Variants in KDM4C observed in about 807,000 individuals in gnomAD.
KDM4C encodes lysine-specific demethylase 4C.
A neutral mutation model predicts 129.3 loss-of-function variants in KDM4C; 81 were observed. That is an observed-to-expected ratio of 0.63 (90% confidence interval 0.52 to 0.75). KDM4C has a LOEUF of 0.75. KDM4C is among the 30% of genes least tolerant of loss of function. The pLI is 0.00. For synonymous variants in KDM4C, 573 were observed against 456.1 expected, an observed-to-expected ratio of 1.26 and a Z score of -3.26; for missense variants, 1,457 against 1,304.0, an observed-to-expected ratio of 1.12 and a Z score of -1.81.
At chr9:6,821,297 C>G (rs975595312) in intron 4 of KDM4C, among the ~76,000 whole-genome samples, 1 of 152,228 alleles carries the variant, frequency 6.6e-6, no homozygotes, top group Non-Finnish European at 1.5e-5. Flanking sequence ...AATCACCACA[C>G]TGTCTTCCAC....
Position 7,000,668 on chromosome 9 carries a change from T to C in KDM4C, c.1786+10144T>C, listed in dbSNP as rs114308178. Reference sequence around the variant, plus strand: ...TGAAATTGTCAATATTTGAAATTTTTTTTACTCTATGAAAACTGCAATTTC... The same window carrying C: ...TGAAATTGTCAATATTTGAAATTTTCTTTACTCTATGAAAACTGCAATTTC... On this transcript the variant is annotated intron_variant, in intron 12 of 21. Transcript: ENST00000381309. Among the ~76,000 whole-genome samples, 276 of 152,320 alleles carry C rather than the reference T, an allele frequency of 1.8e-3. 2 individuals carry two copies. The highest frequency in any genetic ancestry group is 6.2e-3 in the African/African-American group (258 of 41,574).
intron 15 of KDM4C, among the ~76,000 whole-genome samples, chr9:7,028,668 G>T (rs1316426162): frequency 6.6e-6 from 1 of 152,074 alleles, no homozygotes; most frequent in Non-Finnish European, 1.5e-5. Flanking sequence ...TGCAGTTCTT[G>T]TGGCCTAGAC....
At chr9:7,053,769 A>T (rs1247655336) in intron 17 of KDM4C, among the ~76,000 whole-genome samples, 2 of 152,200 alleles carry the variant, frequency 1.3e-5, no homozygotes, top group African/African-American at 4.8e-5. Context: ...TGTAATTATT[A>T]AAGTAATTGC....
chr9:7,041,543 A>AT (rs58264404), intron 15 of KDM4C, among the ~76,000 whole-genome samples: 78,469 of 150,852 alleles, frequency 0.52, 21,467 homozygotes, highest in Non-Finnish European at 0.61. Context: ...ATCATAAATG[A>AT]TTTTTTTTTG....
intron 15 of KDM4C, 28 bp from the exon 16 acceptor site, chr9:7,046,834 A>G (rs1829470798): frequency 2.0e-6 from 3 of 1,538,116 alleles, no homozygotes; most frequent in Non-Finnish European, 2.7e-6. Flanking sequence ...GGGTCTGGTC[A>G]TCATGTGGTA....
intron 12 of KDM4C, among the ~76,000 whole-genome samples, chr9:7,009,454 A>T (rs138056035): frequency 3.3e-5 from 5 of 152,060 alleles, no homozygotes; most frequent in East Asian, 1.9e-4. Flanking sequence ...TTATGCATAC[A>T]TTCTTTTTTT....
At chr9:6,855,731 TTGA>T (rs550741380) in intron 5 of KDM4C, among the ~76,000 whole-genome samples, 70 of 152,274 alleles carry the variant, frequency 4.6e-4, no homozygotes, top group African/African-American at 1.4e-3. Flanking sequence ...AACTAATTAC[TTGA>T]TTATTGTTGA....
intron 20 of KDM4C, among the ~76,000 whole-genome samples, chr9:7,166,046 T>A (rs1387152023): frequency 6.6e-6 from 1 of 152,188 alleles, no homozygotes; most frequent in African/African-American, 2.4e-5. Context: ...ACGTGCACAT[T>A]TATATTCCTT....
chr9:6,761,265 T>C (rs1183369404), intron 1 of KDM4C, among the ~76,000 whole-genome samples: 1 of 152,080 alleles, frequency 6.6e-6, no homozygotes, highest in Non-Finnish European at 1.5e-5. Context: ...CACCTTGGAC[T>C]CCCAAAGTGC....
intron 8 of KDM4C, among the ~76,000 whole-genome samples, chr9:6,976,015 G>T (rs1007432035): frequency 5.3e-5 from 8 of 152,224 alleles, no homozygotes; most frequent in African/African-American, 1.9e-4. Flanking sequence ...TCCAGCCTGG[G>T]TGACAAAGTG....
intron 2 of KDM4C, among the ~76,000 whole-genome samples, chr9:6,805,384 A>T (rs1378283670): frequency 6.6e-6 from 1 of 152,204 alleles, no homozygotes; most frequent in Non-Finnish European, 1.5e-5. Context: ...AGTTTAATAC[A>T]AGTACAGTGT....
intron 2 of KDM4C, among the ~76,000 whole-genome samples, chr9:6,802,478 G>A (rs1250188400): frequency 2.0e-5 from 3 of 152,154 alleles, no homozygotes; most frequent in African/African-American, 4.8e-5. Context: ...AATATTAATA[G>A]CATTATTTGC....
intron 4 of KDM4C, among the ~76,000 whole-genome samples, chr9:6,827,805 T>A (rs1298477182): frequency 6.6e-6 from 1 of 152,126 alleles, no homozygotes; most frequent in Non-Finnish European, 1.5e-5. Flanking sequence ...GACTTTCAGG[T>A]TTTAGTTCTG....
intron 12 of KDM4C, among the ~76,000 whole-genome samples, chr9:7,004,290 G>A (rs1351779095): frequency 6.6e-6 from 1 of 152,172 alleles, no homozygotes. Context: ...CTGTTCTTAA[G>A]GCAAGGTTTC....
At chr9:6,864,778 T>C (rs1041802762) in intron 5 of KDM4C, among the ~76,000 whole-genome samples, 2 of 151,978 alleles carry the variant, frequency 1.3e-5, no homozygotes, top group South Asian at 2.1e-4. Flanking sequence ...ATTTGGTCTT[T>C]AGTGGTAATT....
At position 6,995,039 on chromosome 9, in the gene KDM4C, C is replaced by T. The variant is rs546698717; in HGVS notation, c.1786+4515C>T. 1.3e-4 allele frequency among the ~76,000 whole-genome samples: 19 copies of T among 143,016 alleles called. No homozygotes were observed. The East Asian group carries it at 2.0e-3, about 15-fold the overall frequency. 93.8% of individuals were successfully genotyped at this position (143,016 alleles called of 152,430 possible). On this transcript the variant is annotated intron_variant, in intron 12 of 21. Transcript: ENST00000381309. ...TAGGCTATGGTGGTTGTACAGGCTA[C>T]GGTGGTCCTGAGAGTGGTTTTTTTT...
chr9:6,784,573 C>A (rs113375975), intron 1 of KDM4C, among the ~76,000 whole-genome samples: 3,410 of 152,254 alleles, frequency 0.022, 148 homozygotes, highest in African/African-American at 0.078. Context: ...AAAAAAAAAT[C>A]CTTTTGGTCT....
chr9:6,931,130 C>G (rs963472887), intron 8 of KDM4C, among the ~76,000 whole-genome samples: 31 of 151,680 alleles, frequency 2.0e-4, no homozygotes, highest in African/African-American at 6.3e-4. Context: ...TCACCCCCCC[C>G]ACACAAACAC....
At chr9:6,840,559 G>C (rs1213483311) in intron 4 of KDM4C, among the ~76,000 whole-genome samples, 1 of 152,078 alleles carries the variant, frequency 6.6e-6, no homozygotes, top group Non-Finnish European at 1.5e-5. Flanking sequence ...ACCACGCCTG[G>C]CTAATTTTTG....
Sources: allele counts gnomAD v4.1 joint callset (sites outside exome capture counted in the v4.1 genomes callset), GRCh38; gene constraint gnomAD v4.1.1; transcripts MANE v1.5; gene names NCBI Gene and HGNC (gene_info 2026-07-23, HGNC 2026-07-21).